B3GLCT: variants seen among roughly 807,000 people sequenced by gnomAD.
B3GLCT encodes beta-1,3-glucosyltransferase.
B3GLCT carries 65 observed loss-of-function variants against 63.4 expected under a neutral mutation model. The observed-to-expected ratio is 1.03, with a 90% CI of 0.84 to 1.26. The LOEUF is 1.26. Ranked by LOEUF, B3GLCT falls within the 50% of genes most tolerant of loss-of-function variation. The probability of loss-of-function intolerance (pLI) is 0.00; values close to 1 mark genes in which losing one functional copy is unlikely to be tolerated. For missense variants in B3GLCT, 577 were observed against 604.8 expected (o/e 0.95, Z 0.48); for synonymous variants, 233 against 219.2 (o/e 1.06, Z -0.55).
chr13:31,242,292 TA>T (rs1380314510), intron 4 of B3GLCT, among the ~76,000 whole-genome samples: 1 of 152,218 alleles, frequency 6.6e-6, no homozygotes, highest in Non-Finnish European at 1.5e-5. Flanking sequence ...TTATGGCTTC[TA>T]TCCCTGACAC....
chr13:31,236,413 C>A (rs1263221511), intron 4 of B3GLCT, among the ~76,000 whole-genome samples: 2 of 152,164 alleles, frequency 1.3e-5, no homozygotes, highest in African/African-American at 2.4e-5. Flanking sequence ...TAGGTGGCAA[C>A]ATTGGTTTTA....
chr13:31,293,399 G>A (rs916394938), intron 12 of B3GLCT, among the ~76,000 whole-genome samples: 1 of 152,004 alleles, frequency 6.6e-6, no homozygotes, highest in African/African-American at 2.4e-5. Context: ...TTGACAGTGG[G>A]GTGTTAAAGC....
chr13:31,201,922 T>C (rs1868690085), intron 1 of B3GLCT, among the ~76,000 whole-genome samples: 1 of 152,132 alleles, frequency 6.6e-6, no homozygotes, highest in Non-Finnish European at 1.5e-5. Flanking sequence ...TGTGAGACAT[T>C]TGGCCTTTGG....
chr13:31,238,308 A>G (rs1401860324), intron 4 of B3GLCT, among the ~76,000 whole-genome samples: 1 of 152,242 alleles, frequency 6.6e-6, no homozygotes. Context: ...CTGACATTTA[A>G]TACTGTGTGC....
intron 4 of B3GLCT, among the ~76,000 whole-genome samples, chr13:31,233,807 C>T (rs1240283531): frequency 6.6e-6 from 1 of 152,054 alleles, no homozygotes; most frequent in Non-Finnish European, 1.5e-5. Context: ...GATGTCTCTG[C>T]CAAAGTCAGG....
chr13:31,315,206 C>G (rs1874934642), intron 12 of B3GLCT, among the ~76,000 whole-genome samples: 1 of 152,144 alleles, frequency 6.6e-6, no homozygotes, highest in Admixed American at 6.5e-5. Flanking sequence ...GACTTTGGAA[C>G]TGGGTAACAG....
chr13:31,202,454 C>G (rs958300235), intron 1 of B3GLCT, among the ~76,000 whole-genome samples: 3 of 152,192 alleles, frequency 2.0e-5, no homozygotes, highest in African/African-American at 7.2e-5. Flanking sequence ...TTTGCCACCT[C>G]TTACAGTTTT....
chr13:31,317,046 C>G (rs1169867667), intron 12 of B3GLCT, among the ~76,000 whole-genome samples: 1 of 152,198 alleles, frequency 6.6e-6, no homozygotes, highest in Admixed American at 6.5e-5. Flanking sequence ...CTGAGGATTT[C>G]TAGGATAGCC....
intron 10 of B3GLCT, among the ~76,000 whole-genome samples, chr13:31,283,774 A>G (rs1431637902): frequency 6.6e-6 from 1 of 152,200 alleles, no homozygotes; most frequent in Non-Finnish European, 1.5e-5. Flanking sequence ...AACAGGGGAA[A>G]GATACATGAT....
At chr13:31,243,675 T>G (rs2137799156) in intron 4 of B3GLCT, among the ~76,000 whole-genome samples, 1 of 152,326 alleles carries the variant, frequency 6.6e-6, no homozygotes, top group Admixed American at 6.5e-5. Flanking sequence ...AATTAGAATG[T>G]TGGTTTTAAA....
chr13:31,246,503 A>G (rs776841678), intron 4 of B3GLCT, among the ~76,000 whole-genome samples: 1 of 150,688 alleles, frequency 6.6e-6, no homozygotes, highest in Non-Finnish European at 1.5e-5. Flanking sequence ...TTTTGTTATC[A>G]GGGTATTTTA....
At chr13:31,206,669 G>A (rs1230152137) in intron 1 of B3GLCT, among the ~76,000 whole-genome samples, 7 of 151,056 alleles carry the variant, frequency 4.6e-5, no homozygotes, top group Non-Finnish European at 1.0e-4. Context: ...CAGGAGAATC[G>A]GAGGTTGCAG....
chr13:31,202,903 T>G (rs866993502), intron 1 of B3GLCT, among the ~76,000 whole-genome samples: 1 of 152,218 alleles, frequency 6.6e-6, no homozygotes, highest in Non-Finnish European at 1.5e-5. Flanking sequence ...ATGTGGAGCA[T>G]CATGTCAGCT....
intron 12 of B3GLCT, among the ~76,000 whole-genome samples, chr13:31,297,335 C>T (rs942106458): frequency 6.6e-6 from 1 of 150,728 alleles, no homozygotes; most frequent in Admixed American, 6.6e-5. Flanking sequence ...CACAAGGTTT[C>T]CAGTTTCTCC....
chr13:31,232,692 A>T (rs1041738413), intron 4 of B3GLCT, among the ~76,000 whole-genome samples: 2 of 152,230 alleles, frequency 1.3e-5, no homozygotes, highest in Non-Finnish European at 2.9e-5. Flanking sequence ...ATGTATCCCC[A>T]TAAAGGTTTT....
rs770360905 is a variant in B3GLCT at position 31,317,687 on chromosome 13, T to C, written c.1184+2T>C. 6.2e-7 allele frequency: 1 copy of C among 1,613,798 alleles called. No homozygotes were observed. The highest frequency in any genetic ancestry group is 1.1e-5 in the South Asian group (1 of 91,064). On this transcript the variant is annotated splice_donor_variant, in intron 13 of 14. Coordinates refer to ENST00000343307, the MANE Select transcript of B3GLCT (RefSeq NM_194318.4). LOFTEE classifies it high-confidence loss of function. The stretch of plus-strand genomic sequence containing the variant: ...CAGCTACATCACGGGAGGAGGAGGG[T>C]AACTATGATCACAGCTTTCTTCAAC...
At chr13:31,218,929 C>G (rs1481773541) in intron 2 of B3GLCT, among the ~76,000 whole-genome samples, 3 of 92,720 alleles carry the variant, frequency 3.2e-5, no homozygotes, top group Non-Finnish European at 8.5e-5. Flanking sequence ...TATCAGAAGC[C>G]CTTTTTTTTT....
chr13:31,316,404 G>GTT lies in B3GLCT; in HGVS notation c.1065-1159_1065-1158dup, dbSNP rs756984915. On this transcript the variant is annotated intron_variant, in intron 12 of 14. Transcript: ENST00000343307. ...ACATGGAATCAAGGAGATTTTGGAG[G>GTT]TTTTATATATATATATATATATATA... 8.5e-3 allele frequency among the ~76,000 whole-genome samples: 352 copies of GTT among 41,620 alleles called. 8 individuals carry two copies. Among genetic ancestry groups the GTT allele is most frequent in the Middle Eastern group, 0.018 (1 of 56 alleles). 27.3% of individuals were successfully genotyped at this position (41,620 alleles called of 152,430 possible).
At chr13:31,313,980 C>G (rs554660759) in intron 12 of B3GLCT, among the ~76,000 whole-genome samples, 2 of 152,298 alleles carry the variant, frequency 1.3e-5, no homozygotes, top group African/African-American at 4.8e-5. Context: ...ACAGCTTGGG[C>G]TGTGACTTCA....
Sources: gnomAD v4.1 joint callset for allele counts (sites outside exome capture counted in the v4.1 genomes callset) on GRCh38, gnomAD v4.1.1 for gene constraint, MANE v1.5 for transcripts, NCBI Gene and HGNC (gene_info 2026-07-23, HGNC 2026-07-21) for gene names.